The following RANBP2 variants were observed in gnomAD, a reference collection of about 807,000 sequenced individuals.
RANBP2 encodes the protein RAN binding protein 2.
RANBP2 carries 57 observed loss-of-function variants against 303.6 expected under a neutral mutation model. The ratio of observed to expected loss-of-function variants is 0.19; its 90% CI spans 0.15 to 0.23. The LOEUF (loss-of-function observed/expected upper bound fraction) is 0.23. Ranked by LOEUF, RANBP2 falls within the 10% of genes least tolerant of loss-of-function variation. RANBP2 has a pLI of 1.00. For synonymous variants in RANBP2, 1,167 were observed against 1,301.5 expected (o/e 0.90, Z 2.23); for missense variants, 3,138 against 3,780.8 (o/e 0.83, Z 4.46).
the RANBP2 span, chr2:109,124,241 C>T: frequency 1.3e-5 from 2 of 151,916 alleles, no homozygotes; most frequent in Non-Finnish European, 2.9e-5. Flanking sequence ...ATGGCACAAT[C>T]TTGGCTCATT....
chr2:109,316,044 A>G, the RANBP2 span, among the ~76,000 whole-genome samples: 46 of 152,340 alleles, frequency 3.0e-4, no homozygotes, highest in African/African-American at 1.0e-3. Flanking sequence ...AAAGATTCCC[A>G]GTATTTAGAG....
downstream of RANBP2, chr2:108,786,756 CG>C: frequency 7.0e-7 from 1 of 1,437,520 alleles, no homozygotes; most frequent in Non-Finnish European, 9.6e-7. Context: ...TGACGCACTG[CG>C]GCCGCGTAGC....
At chr2:108,815,972 T>G in the RANBP2 span, 2 of 1,612,978 alleles carry the variant, frequency 1.2e-6, no homozygotes, top group South Asian at 2.2e-5. Context: ...TATGAACTTT[T>G]AACTGTCTTC....
At chr2:108,912,799 A>G in the RANBP2 span, 2 of 1,532,970 alleles carry the variant, frequency 1.3e-6, no homozygotes, top group South Asian at 2.4e-5. Context: ...AATGATCCAG[A>G]GAAGCTCCAC....
the RANBP2 span, among the ~76,000 whole-genome samples, chr2:108,839,973 A>C: frequency 6.6e-6 from 1 of 152,070 alleles, no homozygotes; most frequent in South Asian, 2.1e-4. Flanking sequence ...TCATTCTGCC[A>C]TTACTAAGTA....
the RANBP2 span, among the ~76,000 whole-genome samples, chr2:108,854,021 A>C: frequency 8.9e-6 from 1 of 111,818 alleles, no homozygotes; most frequent in Non-Finnish European, 1.7e-5. Flanking sequence ...ATATATAATA[A>C]ATTTATATTA....
chr2:109,408,541 G>A, the RANBP2 span, among the ~76,000 whole-genome samples: 3 of 152,196 alleles, frequency 2.0e-5, no homozygotes, highest in Admixed American at 1.3e-4. Flanking sequence ...GGCCGGGTTC[G>A]CTCTCAGGAC....
chr2:109,624,773 A>G, the RANBP2 span, among the ~76,000 whole-genome samples: 1 of 152,296 alleles, frequency 6.6e-6, no homozygotes, highest in African/African-American at 2.4e-5. Flanking sequence ...AACCAGCAGT[A>G]TCCTCTTCTT....
the RANBP2 span, among the ~76,000 whole-genome samples, chr2:109,080,242 G>A: frequency 6.6e-6 from 1 of 152,104 alleles, no homozygotes. Context: ...GGTTTCCAGG[G>A]CGTGTTATAG....
the RANBP2 span, among the ~76,000 whole-genome samples, chr2:109,453,619 C>G: frequency 6.6e-6 from 1 of 152,206 alleles, no homozygotes; most frequent in Admixed American, 6.5e-5. Context: ...ATCCCTGACT[C>G]ATCTGTGTAT....
At chr2:109,137,365 C>T in the RANBP2 span, among the ~76,000 whole-genome samples, 1 of 152,210 alleles carries the variant, frequency 6.6e-6, no homozygotes, top group South Asian at 2.1e-4. Flanking sequence ...TGGAGGCTTT[C>T]TGAGAGCAGC....
the RANBP2 span, among the ~76,000 whole-genome samples, chr2:108,877,168 A>C: frequency 2.6e-5 from 4 of 152,196 alleles, no homozygotes; most frequent in Non-Finnish European, 4.4e-5. Flanking sequence ...GGAACCATAG[A>C]AACTTAAAAA....
chr2:109,125,854 T>C, the RANBP2 span, among the ~76,000 whole-genome samples: 2 of 152,392 alleles, frequency 1.3e-5, no homozygotes, highest in African/African-American at 4.8e-5. Flanking sequence ...TCCCTCACGC[T>C]GTAGCACAGT....
At chr2:109,060,075 T>C in the RANBP2 span, among the ~76,000 whole-genome samples, 1 of 152,178 alleles carries the variant, frequency 6.6e-6, no homozygotes, top group African/African-American at 2.4e-5. Context: ...ATGTGTCTTT[T>C]TGAGGCATGT....
the RANBP2 span, among the ~76,000 whole-genome samples, chr2:109,155,390 T>C: frequency 6.6e-6 from 1 of 152,194 alleles, no homozygotes; most frequent in Admixed American, 6.5e-5. Context: ...AAGCTCCGCC[T>C]CCTGAGTTCA....
chr2:108,899,431 A>AG, the RANBP2 span, among the ~76,000 whole-genome samples: 4 of 152,226 alleles, frequency 2.6e-5, no homozygotes, highest in African/African-American at 9.6e-5. Flanking sequence ...AAGAAGCAAA[A>AG]GGAAATTCTA....
At chr2:109,111,604 T>C in the RANBP2 span, among the ~76,000 whole-genome samples, 89 of 151,946 alleles carry the variant, frequency 5.9e-4, no homozygotes, top group East Asian at 0.017. Context: ...TCTTTTTTTT[T>C]TTTTAGGTTT....
At chr2:108,819,958 G>A in the RANBP2 span, among the ~76,000 whole-genome samples, 1 of 152,196 alleles carries the variant, frequency 6.6e-6, no homozygotes, top group Non-Finnish European at 1.5e-5. Flanking sequence ...GGAAAATGAT[G>A]CAAGAACAAA....
the RANBP2 span, among the ~76,000 whole-genome samples, chr2:109,104,522 C>T: frequency 6.7e-6 from 1 of 148,924 alleles, no homozygotes; most frequent in Non-Finnish European, 1.5e-5. Flanking sequence ...CTCGCTCTGT[C>T]GCCCAGGCTG....
Sources: allele counts gnomAD v4.1 joint callset (sites outside exome capture counted in the v4.1 genomes callset), GRCh38; gene constraint gnomAD v4.1.1; transcripts MANE v1.5; gene names NCBI Gene and HGNC (gene_info 2026-07-23, HGNC 2026-07-21).